Variants in MAP2K5 observed in about 807,000 individuals in gnomAD.
MAP2K5 encodes dual specificity mitogen-activated protein kinase kinase 5.
A neutral mutation model predicts 83.1 loss-of-function variants in MAP2K5; 49 were observed. That is an observed-to-expected ratio of 0.59 (90% confidence interval 0.47 to 0.75). The LOEUF (loss-of-function observed/expected upper bound fraction) is 0.75. Ranked by LOEUF, MAP2K5 falls within the 30% of genes least tolerant of loss-of-function variation. The pLI is 0.00. For synonymous variants in MAP2K5, 202 were observed against 191.8 expected (o/e 1.05, Z -0.44); for missense variants, 457 against 557.5 (o/e 0.82, Z 1.82).
chr15:67,614,407 CTG>C (rs2086005899), intron 8 of MAP2K5, among the ~76,000 whole-genome samples: 1 of 152,178 alleles, frequency 6.6e-6, no homozygotes, highest in African/African-American at 2.4e-5. Flanking sequence ...TTCCCAGAAA[CTG>C]TGAGCAAAGA....
At chr15:67,762,797 T>G (rs942234037) in intron 19 of MAP2K5, among the ~76,000 whole-genome samples, 2 of 152,226 alleles carry the variant, frequency 1.3e-5, no homozygotes, top group African/African-American at 4.8e-5. Context: ...CTGGTAGTGA[T>G]GTTCACTTGG....
chr15:67,728,912 T>C (rs1174398936), intron 17 of MAP2K5, among the ~76,000 whole-genome samples: 1 of 152,246 alleles, frequency 6.6e-6, no homozygotes, highest in Admixed American at 6.5e-5. Flanking sequence ...GGTACCAATG[T>C]GGACATTTAA....
At position 67,638,585 on chromosome 15, in the gene MAP2K5, C is replaced by T. The variant is rs1304691729; in HGVS notation, c.586-7646C>T. ...TGCTTTATATTCATTTGGGTATATA[C>T]CCAGTAATGGGATTGCTGGGTCAAA... On this transcript the variant is annotated intron_variant, in intron 9 of 21. Coordinates refer to ENST00000178640, the MANE Select transcript of MAP2K5 (RefSeq NM_145160.3). This position sits in a 1 kb window ranked among gnomAD's most constrained non-coding sequence, Gnocchi z 4.5. Among the ~76,000 whole-genome samples, 1 of 152,132 alleles carries T rather than the reference C, an allele frequency of 6.6e-6. No individual in the cohort carries two copies. The highest frequency in any genetic ancestry group is 2.4e-5 in the African/African-American group (1 of 41,414).
At chr15:67,580,854 AT>A in intron 4 of MAP2K5, 31 bp downstream of exon 4, 1 of 1,375,140 alleles carries the variant, frequency 7.3e-7, no homozygotes, top group Non-Finnish European at 1.0e-6. Context: ...ATCAACAATG[AT>A]TATTTCAGTA....
At chr15:67,681,276 CAGTG>C (rs1179956473) in intron 13 of MAP2K5, among the ~76,000 whole-genome samples, 1 of 152,184 alleles carries the variant, frequency 6.6e-6, no homozygotes, top group Non-Finnish European at 1.5e-5. Flanking sequence ...GCAAGGTTGT[CAGTG>C]AGAATTCAGG....
chr15:67,700,781 A>C lies in MAP2K5; in HGVS notation c.973-2556A>C, dbSNP rs371247168. Among the ~76,000 whole-genome samples the C allele has an allele frequency of 2.1e-4, 32 of 151,970 alleles. No individual in the cohort carries two copies. In the South Asian group the frequency reaches 3.5e-3, roughly 17 times the overall value. On this transcript the variant is annotated intron_variant, in intron 15 of 21. Coordinates refer to ENST00000178640, the MANE Select transcript of MAP2K5 (RefSeq NM_145160.3). ...GCTTTTGCTGAAAATTTTTGCTCAA[A>C]CACTGCATCACAGCAGTAATCTTGT...
At chr15:67,648,814 C>T (rs935214102) in intron 11 of MAP2K5, among the ~76,000 whole-genome samples, 2 of 152,014 alleles carry the variant, frequency 1.3e-5, no homozygotes, top group Non-Finnish European at 2.9e-5. Context: ...CTCCTGACCT[C>T]GTGATCTCCC....
chr15:67,693,803 G>T (rs1472456817), intron 15 of MAP2K5, among the ~76,000 whole-genome samples: 1 of 152,090 alleles, frequency 6.6e-6, no homozygotes, highest in East Asian at 1.9e-4. Context: ...GTGTGAAATC[G>T]CTGAGTTTCG....
At chr15:67,547,940 A>G (rs555722390) in intron 1 of MAP2K5, among the ~76,000 whole-genome samples, 42 of 152,358 alleles carry the variant, frequency 2.8e-4, no homozygotes, top group African/African-American at 9.1e-4. Context: ...CTTTGTCATT[A>G]TGATTGCCCC....
chr15:67,804,626 T>C (rs1286519405), intron 21 of MAP2K5, among the ~76,000 whole-genome samples: 1 of 152,234 alleles, frequency 6.6e-6, no homozygotes, highest in Non-Finnish European at 1.5e-5. Flanking sequence ...AGTTCCGCTC[T>C]GCTTGTTCCA....
intron 8 of MAP2K5, among the ~76,000 whole-genome samples, chr15:67,629,713 A>G (rs759140578): frequency 2.4e-4 from 37 of 152,228 alleles, no homozygotes; most frequent in Non-Finnish European, 4.0e-4. Flanking sequence ...GATGAGAGGA[A>G]GAGCCGTCTG....
chr15:67,649,772 C>T (rs936125781), intron 11 of MAP2K5, among the ~76,000 whole-genome samples: 4 of 152,106 alleles, frequency 2.6e-5, no homozygotes, highest in African/African-American at 7.2e-5. Context: ...AGTTTCAAAT[C>T]GAGAAGTGTA....
At chr15:67,658,754 T>A in intron 12 of MAP2K5, 140 bp downstream of exon 12, 1 of 728,550 alleles carries the variant, frequency 1.4e-6, no homozygotes, top group Non-Finnish European at 2.4e-6. Context: ...TCTCCTGTTT[T>A]GTTCTTCTTT....
chr15:67,804,551 C>G (rs2090764109), intron 21 of MAP2K5, among the ~76,000 whole-genome samples: 2 of 152,236 alleles, frequency 1.3e-5, no homozygotes, highest in African/African-American at 4.8e-5. Context: ...GGGCAAACTG[C>G]CTCCCTGCAG....
At chr15:67,655,163 A>G (rs1319508449) in intron 11 of MAP2K5, among the ~76,000 whole-genome samples, 2 of 152,162 alleles carry the variant, frequency 1.3e-5, no homozygotes, top group African/African-American at 4.8e-5. Flanking sequence ...TTACATTCCT[A>G]TACATTGTGT....
chr15:67,577,219 G>A lies in MAP2K5; in HGVS notation c.253-3535G>A, dbSNP rs1363908631. 6.6e-6 allele frequency among the ~76,000 whole-genome samples: 1 copy of A among 152,140 alleles called. No individual in the cohort carries two copies. Among genetic ancestry groups the A allele is most frequent in the African/African-American group, 2.4e-5 (1 of 41,422 alleles). ...CAAAGTGCTGGGATTACAGGCGTGA[G>A]CCACCGTGCCCGGCCAGTAACCCTA... is the stretch of plus-strand genomic sequence containing the variant. On this transcript the variant is annotated intron_variant, in intron 3 of 21. Coordinates refer to ENST00000178640, the MANE Select transcript of MAP2K5 (RefSeq NM_145160.3). The surrounding 1 kb of genome is among the most constrained non-coding windows in gnomAD (Gnocchi z 4.1).
intron 16 of MAP2K5, among the ~76,000 whole-genome samples, chr15:67,705,863 A>G (rs932506364): frequency 6.6e-6 from 1 of 152,232 alleles, no homozygotes; most frequent in Admixed American, 6.5e-5. Flanking sequence ...AAGATAGAGT[A>G]CACTCTCAGC....
chr15:67,579,299 C>T (rs1451092555), intron 3 of MAP2K5, among the ~76,000 whole-genome samples: 1 of 152,164 alleles, frequency 6.6e-6, no homozygotes, highest in Non-Finnish European at 1.5e-5. Context: ...ACAATTTTTC[C>T]AGACTACTTG....
chr15:67,654,769 G>A (rs932506691), intron 11 of MAP2K5, among the ~76,000 whole-genome samples: 1 of 151,912 alleles, frequency 6.6e-6, no homozygotes, highest in Non-Finnish European at 1.5e-5. Context: ...TATTTTAATA[G>A]TATACAAAAG....
Sources: gnomAD v4.1 joint callset for allele counts (sites outside exome capture counted in the v4.1 genomes callset) on GRCh38, gnomAD v4.1.1 for gene constraint, Gnocchi (gnomAD v3.1) non-coding constraint, MANE v1.5 for transcripts, NCBI Gene and HGNC (gene_info 2026-07-23, HGNC 2026-07-21) for gene names.